Variants in LMBRD2 observed in about 807,000 individuals in gnomAD.
The protein encoded by LMBRD2 is G protein-coupled receptor-associated protein LMBRD2.
Under a neutral mutation model 94.4 loss-of-function variants are expected in LMBRD2, and 55 were observed. The ratio of observed to expected loss-of-function variants is 0.58; its 90% CI spans 0.47 to 0.73. The LOEUF (loss-of-function observed/expected upper bound fraction) is 0.73, where lower values mean the gene tolerates loss of function less well. LMBRD2 is among the 30% of genes least tolerant of loss of function. LMBRD2 has a pLI of 0.00. For missense variants in LMBRD2, 640 were observed against 831.9 expected (o/e 0.77, Z 2.84); for synonymous variants, 246 against 272.4 (o/e 0.90, Z 0.95).
At chr5:36,125,934 T>C (rs1025549401) in intron 6 of LMBRD2, among the ~76,000 whole-genome samples, 1 of 152,056 alleles carries the variant, frequency 6.6e-6, no homozygotes, top group South Asian at 2.1e-4. Context: ...ACAGGACACA[T>C]AAAGGCCTCC....
Position 36,105,014 on chromosome 5 carries a change from G to A in LMBRD2, c.2027+54C>T, listed in dbSNP as rs530544428. The stretch of plus-strand genomic sequence containing the variant: ...ATTTTCAATCTTGTCAAGTCAATGT[G>A]TTATTAAAAGTGTAGAGGAATGCTA... On this transcript the variant is annotated intron_variant, in intron 17 of 17. Coordinates refer to ENST00000296603, the MANE Select transcript of LMBRD2 (RefSeq NM_001007527.2). The A allele has an allele frequency of 4.2e-5, 65 of 1,544,176 alleles. No individual in the cohort carries two copies. In the East Asian group the frequency reaches 1.5e-3, roughly 35 times the overall value.
At chr5:36,135,028 C>T (rs186166567) in intron 6 of LMBRD2, among the ~76,000 whole-genome samples, 1 of 152,114 alleles carries the variant, frequency 6.6e-6, no homozygotes, top group African/African-American at 2.4e-5. Context: ...AGAACACACC[C>T]ACTCTCATTC....
chr5:36,133,296 G>A (rs546550674), intron 6 of LMBRD2, among the ~76,000 whole-genome samples: 1 of 152,206 alleles, frequency 6.6e-6, no homozygotes, highest in South Asian at 2.1e-4. Context: ...AAATAAGCCA[G>A]GCACAGAAAG....
chr5:36,116,711 C>T, intron 10 of LMBRD2, 118 bp from the exon 11 acceptor site: 1 of 974,142 alleles, frequency 1.0e-6, no homozygotes. Flanking sequence ...GAGTCTCGCC[C>T]TGTCACCCAG....
chr5:36,146,540 T>TTA (rs1744543571), intron 1 of LMBRD2, among the ~76,000 whole-genome samples: 3 of 152,146 alleles, frequency 2.0e-5, no homozygotes, highest in African/African-American at 7.2e-5. Flanking sequence ...TGGCTAATTT[T>TTA]AAAAAAAAAT....
rs1268944291 is a variant in LMBRD2 at position 36,151,617 on chromosome 5, C to G, written c.-119G>C. 1 of 153,248 alleles carries G rather than the reference C, an allele frequency of 6.5e-6. No individual in the cohort carries two copies. The highest frequency in any genetic ancestry group is 2.4e-5 in the African/African-American group (1 of 41,466). 9.5% of individuals were successfully genotyped at this position (153,248 alleles called of 1,614,324 possible). ...GCCAAGGACTTGGGCCCCGCAGCGG[C>G]GGCCACTCGGGGTCTGCCGGGTCCC... is the stretch of plus-strand genomic sequence containing the variant. On this transcript the variant is annotated 5_prime_UTR_variant, in exon 1 of 18. Transcript: ENST00000296603. The surrounding 1 kb of genome is among the most constrained non-coding windows in gnomAD (Gnocchi z 4.7).
intron 1 of LMBRD2, among the ~76,000 whole-genome samples, chr5:36,146,464 G>A (rs1194162383): frequency 1.3e-5 from 2 of 152,114 alleles, no homozygotes; most frequent in African/African-American, 4.8e-5. Flanking sequence ...TTGAGCTCCT[G>A]GGCTCAACTG....
chr5:36,105,172 A>G lies in LMBRD2; in HGVS notation c.1923T>C (p.Asn641=), dbSNP rs1474794044. 7.4e-6 allele frequency: 12 copies of G among 1,612,596 alleles called. No homozygotes were observed. Among genetic ancestry groups the G allele is most frequent in the South Asian group, 2.2e-5 (2 of 90,980 alleles). The change falls in exon 17 of 18, where the codon AAT becomes AAC. Residue 641 remains asparagine, a synonymous_variant. Transcript: ENST00000296603. The stretch of plus-strand genomic sequence containing the variant: ...CTATCCGGTCCCTTTCAGTCCTGTT[A>G]TTAGCCCTGGTATATTTGAATGCAG... ...NRSAFKYTRA[N]NRTERDRIEL... is the part of the protein sequence containing the mutation.
intron 5 of LMBRD2, 114 bp downstream of exon 5, chr5:36,137,160 T>C: frequency 1.6e-6 from 1 of 641,060 alleles, no homozygotes; most frequent in Non-Finnish European, 2.5e-6. Flanking sequence ...ATAAAATATG[T>C]AACAATATAT....
chr5:36,125,604 A>G (rs1197520187), intron 6 of LMBRD2, among the ~76,000 whole-genome samples: 1 of 152,202 alleles, frequency 6.6e-6, no homozygotes, highest in African/African-American at 2.4e-5. Flanking sequence ...TAAGACTGGG[A>G]AAACAGGCCC....
At chr5:36,108,897 AT>A (rs1228385857) in intron 15 of LMBRD2, among the ~76,000 whole-genome samples, 1 of 152,138 alleles carries the variant, frequency 6.6e-6, no homozygotes, top group Non-Finnish European at 1.5e-5. Context: ...ATCTATCTAA[AT>A]TGTAAAACAA....
At chr5:36,108,306 G>C (rs758893200) in intron 16 of LMBRD2, among the ~76,000 whole-genome samples, 5 of 151,994 alleles carry the variant, frequency 3.3e-5, no homozygotes, top group Non-Finnish European at 7.4e-5. Flanking sequence ...AGTATACTTA[G>C]AACTATTCAT....
At chr5:36,128,389 A>C (rs1339314709) in intron 6 of LMBRD2, among the ~76,000 whole-genome samples, 1 of 152,216 alleles carries the variant, frequency 6.6e-6, no homozygotes, top group Non-Finnish European at 1.5e-5. Context: ...ACAAGAATCA[A>C]GCCCATCCAG....
chr5:36,115,051 G>C lies in LMBRD2; in HGVS notation c.1506C>G (p.Ile502Met), dbSNP rs1339259657. The C allele has an allele frequency of 6.2e-7, 1 of 1,611,412 alleles. No homozygotes were observed. Among genetic ancestry groups the C allele is most frequent in the South Asian group, 1.1e-5 (1 of 90,902 alleles). ...CAGTTGGTTGAGTATTCTTGTGAGA[G>C]ATAGATGAATCCATATGGGTCAAAC... ...FLGLTHMDSS[I>M]SHKNTQPTAY... The change falls in exon 12 of 18, where the codon ATC becomes ATG. Residue 502 changes from isoleucine (I) to methionine (M), a missense_variant. This residue lies in a region of LMBRD2 where 457 missense variants were observed against 642.8 expected (regional missense o/e 0.71). Coordinates refer to ENST00000296603, the MANE Select transcript of LMBRD2 (RefSeq NM_001007527.2).
intron 1 of LMBRD2, among the ~76,000 whole-genome samples, chr5:36,147,304 C>T (rs1355174547): frequency 6.6e-6 from 1 of 151,910 alleles, no homozygotes; most frequent in Non-Finnish European, 1.5e-5. Context: ...TAACCTTGTG[C>T]CAACATTCAA....
chr5:36,107,793 G>A (rs2111842782), intron 16 of LMBRD2, among the ~76,000 whole-genome samples: 1 of 152,266 alleles, frequency 6.6e-6, no homozygotes, highest in Middle Eastern at 3.4e-3. Context: ...ATGGCTTGGT[G>A]CTCAGTGCAA....
At chr5:36,131,948 C>A (rs763820429) in intron 6 of LMBRD2, among the ~76,000 whole-genome samples, 10 of 152,052 alleles carry the variant, frequency 6.6e-5, no homozygotes, top group Admixed American at 2.6e-4. Context: ...ACATTCTTAA[C>A]AGAAATAGAA....
At position 36,142,541 on chromosome 5, in the gene LMBRD2, T is replaced by C; in HGVS notation, c.233A>G (p.Asn78Ser). ...AANSSPPENS[N>S]ITGLYATANP... ...AGCAGTTGCGTACAATCCTGTAATG[T>C]TGCTATTCTCAGGAGGGCTTGAATT... is the stretch of plus-strand genomic sequence containing the variant. The change falls in exon 3 of 18, where the codon AAC becomes AGC. Residue 78 changes from asparagine (N) to serine (S), a missense_variant. By Grantham distance (46) the Asn-to-Ser change is conservative. Around this residue, in one of 2 missense-constraint regions of LMBRD2, gnomAD observed 457 missense variants for 642.8 expected, o/e 0.71. Transcript: ENST00000296603. 2.5e-6 allele frequency: 4 copies of C among 1,611,250 alleles called. No homozygotes were observed. Among genetic ancestry groups the C allele is most frequent in the Non-Finnish European group, 3.4e-6 (4 of 1,177,418 alleles).
chr5:36,139,712 T>C (rs1470501368), intron 4 of LMBRD2, among the ~76,000 whole-genome samples: 1 of 152,112 alleles, frequency 6.6e-6, no homozygotes, highest in East Asian at 1.9e-4. Context: ...GCACAGACGA[T>C]TGGGATAACC....
Sources: gnomAD v4.1 joint callset for allele counts (sites outside exome capture counted in the v4.1 genomes callset) on GRCh38, gnomAD v4.1.1 for gene constraint, gnomAD v4.1.1 regional missense constraint, Gnocchi (gnomAD v3.1) non-coding constraint, MANE v1.5 for transcripts, NCBI Gene and HGNC (gene_info 2026-07-23, HGNC 2026-07-21) for gene names.